PRPF18: variants seen among roughly 807,000 people sequenced by gnomAD.
The protein encoded by PRPF18 is pre-mRNA processing factor 18, also known as pre-mRNA-splicing factor 18.
PRPF18 carries 38 observed loss-of-function variants against 46.5 expected under a neutral mutation model. That is an observed-to-expected ratio of 0.82 (90% CI 0.63 to 1.07). PRPF18 has a LOEUF of 1.07. Ranked by LOEUF, PRPF18 falls within the 50% of genes least tolerant of loss-of-function variation. PRPF18 has a pLI of 0.00. For synonymous variants in PRPF18, 152 were observed against 146.7 expected (o/e 1.04, Z -0.26); for missense variants, 263 against 410.0 (o/e 0.64, Z 3.10).
At chr10:13,611,397 C>A (rs1037083158) in intron 5 of PRPF18, among the ~76,000 whole-genome samples, 1 of 152,106 alleles carries the variant, frequency 6.6e-6, no homozygotes, top group Non-Finnish European at 1.5e-5. Context: ...TTCATTACCC[C>A]CTCTTGACTT....
chr10:13,630,325 G>A lies in PRPF18; in HGVS notation c.1014G>A (p.Glu338=), dbSNP rs1291559580. The part of the protein sequence containing the change: ...HFPTDPSKCV[E]YNAL ...CTACAGACCCATCCAAATGTGTGGAGTACAATGCACTGTGAGATCTGTGTA... is the reference window on the plus strand; with the variant it reads ...CTACAGACCCATCCAAATGTGTGGAATACAATGCACTGTGAGATCTGTGTA... The change falls in exon 10 of 10, where the codon GAG becomes GAA. Residue 338 remains glutamate, a synonymous_variant. Transcript: ENST00000378572. 1.9e-6 allele frequency: 3 copies of A among 1,609,990 alleles called. No homozygotes were observed. The highest frequency in any genetic ancestry group is 1.1e-5 in the South Asian group (1 of 90,998).
At chr10:13,654,283 C>G in the PRPF18 span, 1 of 710,654 alleles carries the variant, frequency 1.4e-6, no homozygotes, top group Non-Finnish European at 2.6e-6. Flanking sequence ...TGGGGCTTCT[C>G]TTGAAAGGAA....
At chr10:13,636,499 G>A in the PRPF18 span, among the ~76,000 whole-genome samples, 1 of 152,210 alleles carries the variant, frequency 6.6e-6, no homozygotes, top group African/African-American at 2.4e-5. Context: ...TACGCGTCAA[G>A]TGTCTGTTGA....
chr10:13,651,857 G>T, the PRPF18 span: 4 of 910,264 alleles, frequency 4.4e-6, no homozygotes, highest in African/African-American at 3.2e-5. Flanking sequence ...ACACATGTGG[G>T]ACCACAGACT....
chr10:13,587,466 C>G (rs1213541809), intron 1 of PRPF18, among the ~76,000 whole-genome samples: 1 of 152,234 alleles, frequency 6.6e-6, no homozygotes, highest in Non-Finnish European at 1.5e-5. Context: ...AAAGCCAAAC[C>G]AAAAGAAAAA....
intron 4 of PRPF18, among the ~76,000 whole-genome samples, chr10:13,607,993 C>T (rs956699790): frequency 2.0e-5 from 3 of 152,272 alleles, no homozygotes; most frequent in South Asian, 2.1e-4. Flanking sequence ...AACTTTTTAT[C>T]TACTTGCTTT....
In PRPF18 at chr10:13,600,247, C is replaced by CAGCCAAA; in HGVS notation, c.151_157dup (p.Glu53AlafsTer19). On this transcript the variant is annotated frameshift_variant, in exon 3 of 10. Transcript: ENST00000378572. LOFTEE classifies it high-confidence loss of function. ...TTTCTTTTGGCTATTAATATAGATA[C>CAGCCAAA]AGCCAAAAGAGGAGGACCAGAAACC... The CAGCCAAA allele has an allele frequency of 6.2e-7, 1 of 1,602,810 alleles. No homozygotes were observed. Among genetic ancestry groups the CAGCCAAA allele is most frequent in the Non-Finnish European group, 8.5e-7 (1 of 1,174,046 alleles).
intron 1 of PRPF18, chr10:13,592,330 A>G: frequency 3.0e-6 from 1 of 338,800 alleles, no homozygotes; most frequent in Non-Finnish European, 5.6e-6. Context: ...CCATCTTACA[A>G]GATGGGGAAG....
intron 1 of PRPF18, among the ~76,000 whole-genome samples, chr10:13,588,097 C>G (rs2079902922): frequency 6.6e-6 from 1 of 152,098 alleles, no homozygotes; most frequent in South Asian, 2.1e-4. Flanking sequence ...TGTCGCCTTA[C>G]GAAGGGTTTG....
chr10:13,634,413 C>G (rs1461260760), downstream of PRPF18, among the ~76,000 whole-genome samples: 1 of 152,254 alleles, frequency 6.6e-6, no homozygotes, highest in East Asian at 1.9e-4. Flanking sequence ...TGATCTCAGA[C>G]TCTTTCACTG....
the PRPF18 span, chr10:13,654,442 G>A: frequency 1.2e-6 from 2 of 1,612,842 alleles, no homozygotes; most frequent in Non-Finnish European, 1.7e-6. Context: ...GGATGTGGTG[G>A]GGGCTGCTTG....
intron 5 of PRPF18, among the ~76,000 whole-genome samples, 176 bp downstream of exon 5, chr10:13,610,361 C>A (rs2133651259): frequency 6.6e-6 from 1 of 152,272 alleles, no homozygotes; most frequent in Middle Eastern, 3.4e-3. Context: ...ACTCACATTC[C>A]CCTACTTCCT....
intron 3 of PRPF18, among the ~76,000 whole-genome samples, chr10:13,605,284 C>G (rs537120284): frequency 4.2e-4 from 64 of 152,152 alleles, no homozygotes; most frequent in African/African-American, 1.4e-3. Context: ...TAGTTTTTTC[C>G]TCTCTCAAAA....
At chr10:13,605,255 A>C (rs185094661) in intron 3 of PRPF18, among the ~76,000 whole-genome samples, 2 of 152,222 alleles carry the variant, frequency 1.3e-5, no homozygotes, top group Non-Finnish European at 2.9e-5. Context: ...TACAATATAC[A>C]AATTGTTTTT....
chr10:13,632,258 G>A (rs183110368), downstream of PRPF18, among the ~76,000 whole-genome samples: 10 of 152,042 alleles, frequency 6.6e-5, no homozygotes, highest in Middle Eastern at 3.4e-3. Flanking sequence ...GGAGAATGGC[G>A]TGAACCCAGG....
At chr10:13,632,816 G>C (rs1402913951), downstream of PRPF18, 1 of 152,160 alleles carries the variant, frequency 6.6e-6, no homozygotes, top group African/African-American at 2.4e-5. Context: ...GTGAAAATTT[G>C]GCTCAGCAGG....
At chr10:13,611,542 C>T in intron 5 of PRPF18, 73 bp from the exon 6 acceptor site, 1 of 1,199,134 alleles carries the variant, frequency 8.3e-7, no homozygotes, top group South Asian at 1.3e-5. Context: ...CATGTTTAGA[C>T]TGGTGTTGGT....
downstream of PRPF18, among the ~76,000 whole-genome samples, chr10:13,633,834 T>A (rs1390308588): frequency 6.6e-6 from 1 of 152,186 alleles, no homozygotes; most frequent in Admixed American, 6.5e-5. Context: ...AAGTACTTTC[T>A]CACGGTATAT....
downstream of PRPF18, among the ~76,000 whole-genome samples, chr10:13,633,802 A>C (rs2080611307): frequency 6.6e-6 from 1 of 152,216 alleles, no homozygotes; most frequent in South Asian, 2.1e-4. Context: ...GTATGGTGTC[A>C]TATTGGGAGT....
Sources: gnomAD v4.1 joint callset for allele counts (sites outside exome capture counted in the v4.1 genomes callset) on GRCh38, gnomAD v4.1.1 for gene constraint, MANE v1.5 for transcripts, NCBI Gene and HGNC (gene_info 2026-07-23, HGNC 2026-07-21) for gene names.